SSBP3: variants seen among roughly 807,000 people sequenced by gnomAD.
The protein encoded by SSBP3 is single stranded DNA binding protein 3, also known as single-stranded DNA-binding protein 3.
In SSBP3, 5 loss-of-function variants were observed where a neutral mutation model predicts 69.6. That is an observed-to-expected ratio of 0.07 (90% CI 0.04 to 0.15). SSBP3 has a LOEUF of 0.15. Ranked by LOEUF, SSBP3 falls within the 10% of genes least tolerant of loss-of-function variation. The pLI is 1.00. For missense variants in SSBP3, 312 were observed against 534.0 expected (o/e 0.58, Z 4.10); for synonymous variants, 196 against 193.4 (o/e 1.01, Z -0.11).
intron 4 of SSBP3, among the ~76,000 whole-genome samples, chr1:54,374,471 C>T (rs955611327): frequency 2.6e-5 from 4 of 152,210 alleles, no homozygotes; most frequent in Non-Finnish European, 4.4e-5. Flanking sequence ...AAGTTCTTGA[C>T]CTGTCCAAGC....
intron 4 of SSBP3, among the ~76,000 whole-genome samples, chr1:54,378,890 A>C (rs553595451): frequency 3.3e-5 from 5 of 152,214 alleles, no homozygotes; most frequent in African/African-American, 1.2e-4. Flanking sequence ...ATTTAGTCAA[A>C]TATTTCACTC....
chr1:54,365,109 T>C (rs574457440), intron 4 of SSBP3, among the ~76,000 whole-genome samples: 2 of 152,176 alleles, frequency 1.3e-5, no homozygotes, highest in African/African-American at 2.4e-5. Flanking sequence ...AAGAGCTTTT[T>C]TTGCACCCGC....
At chr1:54,391,862 G>C (rs1004142556) in intron 4 of SSBP3, among the ~76,000 whole-genome samples, 5 of 152,064 alleles carry the variant, frequency 3.3e-5, no homozygotes, top group African/African-American at 1.2e-4. Flanking sequence ...AGCTCCACGG[G>C]GGGCAAGGAA....
rs200454632 is a variant in SSBP3 at position 54,228,408 on chromosome 1, C to T, written c.1035+41G>A. ...ACCTGTGTCCCCAACAACCTGCCCA[C>T]ACAGATGGGGCGCCGCCAGGGAGAC... On this transcript the variant is annotated intron_variant, in intron 16 of 17. Transcript: ENST00000610401. 4 of 1,614,068 alleles carry T rather than the reference C, an allele frequency of 2.5e-6. No homozygotes were observed. In the African/African-American group the frequency reaches 4.0e-5, roughly 16 times the overall value.
chr1:54,231,473 C>T (rs907809732), intron 14 of SSBP3, among the ~76,000 whole-genome samples: 1 of 152,122 alleles, frequency 6.6e-6, no homozygotes, highest in Non-Finnish European at 1.5e-5. Context: ...TGTGGTTTGT[C>T]TTTTTACTTC....
intron 5 of SSBP3, among the ~76,000 whole-genome samples, chr1:54,266,715 T>C (rs1391784594): frequency 1.3e-5 from 2 of 151,686 alleles, no homozygotes; most frequent in African/African-American, 4.9e-5. Context: ...ATAGTGACAT[T>C]AAGGCATTAA....
chr1:54,313,409 G>T (rs974346631), intron 4 of SSBP3, among the ~76,000 whole-genome samples: 6 of 149,374 alleles, frequency 4.0e-5, no homozygotes, highest in African/African-American at 1.5e-4. Flanking sequence ...AACTAGGGGG[G>T]CTCACACCGA....
chr1:54,280,306 T>C (rs1414352731), intron 5 of SSBP3, among the ~76,000 whole-genome samples: 1 of 152,210 alleles, frequency 6.6e-6, no homozygotes, highest in Non-Finnish European at 1.5e-5. Flanking sequence ...TAGGAGACGT[T>C]TGTCAGGTCT....
At chr1:54,405,125 G>A (rs1022577390) in intron 1 of SSBP3, among the ~76,000 whole-genome samples, 195 bp from the exon 2 acceptor site, 7 of 152,174 alleles carry the variant, frequency 4.6e-5, no homozygotes, top group Admixed American at 1.3e-4. Context: ...CAGGGAACGC[G>A]TTACCTCAAG....
intron 3 of SSBP3, among the ~76,000 whole-genome samples, chr1:54,403,222 G>A (rs1445245305): frequency 6.6e-6 from 1 of 152,182 alleles, no homozygotes; most frequent in East Asian, 1.9e-4. Context: ...AGAAGTTTCA[G>A]GAGATTCTGG....
intron 1 of SSBP3, chr1:54,412,582 A>G (rs918357225): frequency 2.6e-5 from 4 of 152,242 alleles, no homozygotes; most frequent in African/African-American, 9.7e-5. Context: ...ATAGAGCTTC[A>G]GTTTGGGAAG....
intron 4 of SSBP3, among the ~76,000 whole-genome samples, chr1:54,321,539 T>G (rs1646213542): frequency 6.6e-6 from 1 of 152,228 alleles, no homozygotes; most frequent in African/African-American, 2.4e-5. Flanking sequence ...CACAAACAAG[T>G]AGGGCAACTC....
chr1:54,364,428 A>T (rs1469870462), intron 4 of SSBP3, among the ~76,000 whole-genome samples: 6 of 152,194 alleles, frequency 3.9e-5, no homozygotes, highest in Admixed American at 1.3e-4. Flanking sequence ...AGGGGAGATG[A>T]CCTGCCAGAG....
At position 54,240,954 on chromosome 1, in the gene SSBP3, G is replaced by C. The variant is rs768769227; in HGVS notation, c.807C>G (p.Pro269=). The change falls in exon 13 of 18, where the codon CCC becomes CCG. Residue 269 remains proline (P), a synonymous_variant. Coordinates refer to ENST00000610401, the Ensembl canonical transcript of SSBP3. ...TTCCTGGAGGACCGCCACCACCAGGGGGTCCCTAAAGATGAGACAAAACTG... is the reference window on the plus strand; with the variant it reads ...TTCCTGGAGGACCGCCACCACCAGGCGGTCCCTAAAGATGAGACAAAACTG... 6 of 1,609,666 alleles carry C rather than the reference G, an allele frequency of 3.7e-6. No individual in the cohort carries two copies. In the South Asian group the frequency reaches 5.5e-5, roughly 15 times the overall value.
At chr1:54,234,108 C>T (rs867220627) in intron 14 of SSBP3, among the ~76,000 whole-genome samples, 15 of 150,886 alleles carry the variant, frequency 9.9e-5, no homozygotes, top group South Asian at 6.4e-4. Context: ...GGATTAAGGG[C>T]GGTGCAAGAT....
At position 54,389,435 on chromosome 1, in the gene SSBP3, T is replaced by G. The variant is rs554630487; in HGVS notation, c.276+12426A>C. Among the ~76,000 whole-genome samples, 7 of 151,630 alleles carry G rather than the reference T, an allele frequency of 4.6e-5. No individual in the cohort carries two copies. The East Asian group carries it at 1.4e-3, about 29-fold the overall frequency. On this transcript the variant is annotated intron_variant, in intron 4 of 17. Coordinates refer to ENST00000610401, the Ensembl canonical transcript of SSBP3. ...TACCCACAGAGAAGCACCGCACCAG[T>G]CAGGAACCCTATGAGCCCAGGCCAG...
intron 5 of SSBP3, among the ~76,000 whole-genome samples, chr1:54,271,601 C>A (rs1290559571): frequency 3.4e-5 from 1 of 29,678 alleles, no homozygotes; most frequent in Non-Finnish European, 5.7e-5. Context: ...AGCCACTCTG[C>A]GGCCTCCCTG....
chr1:54,404,737 G>A (rs1295989946), intron 2 of SSBP3, 100 bp from the exon 3 acceptor site: 11 of 1,401,958 alleles, frequency 7.8e-6, no homozygotes, highest in African/African-American at 1.5e-5. Context: ...AACAATAAAT[G>A]CCAAAAGGTG....
At chr1:54,280,720 A>AGGAGGCGGCGCAGAGAG (rs576621078) in intron 5 of SSBP3, among the ~76,000 whole-genome samples, 20,634 of 151,736 alleles carry the variant, frequency 0.14, 1,840 homozygotes, top group Non-Finnish European at 0.2. Context: ...GTAGAGACAG[A>AGGAGGCGGCGCAGAGAG]GGAGGCGGCG....
Sources: allele counts gnomAD v4.1 joint callset (sites outside exome capture counted in the v4.1 genomes callset), GRCh38; gene constraint gnomAD v4.1.1; transcripts MANE v1.5; gene names NCBI Gene and HGNC (gene_info 2026-07-23, HGNC 2026-07-21).